The following HAPSTR1 variants were observed in gnomAD, a reference collection of about 807,000 sequenced individuals.
The protein encoded by HAPSTR1 is HUWE1-associated protein modifying stress responses 1.
At chr16:9,115,263 A>G in the HAPSTR1 span, among the ~76,000 whole-genome samples, 1 of 152,196 alleles carries the variant, frequency 6.6e-6, no homozygotes, top group Non-Finnish European at 1.5e-5. Context: ...TTTAAACTAC[A>G]TTTTTAGGGA....
At chr16:9,100,365 C>A in the HAPSTR1 span, among the ~76,000 whole-genome samples, 1 of 151,922 alleles carries the variant, frequency 6.6e-6, no homozygotes, top group Non-Finnish European at 1.5e-5. Flanking sequence ...TGTTGGACTT[C>A]TTGTGTCTTC....
chr16:9,108,338 A>G, the HAPSTR1 span: 5 of 152,058 alleles, frequency 3.3e-5, no homozygotes, highest in Non-Finnish European at 7.4e-5. Flanking sequence ...CTAATTTTCA[A>G]TATATTTATT....
At chr16:9,118,008 A>T in the HAPSTR1 span, 11 of 152,660 alleles carry the variant, frequency 7.2e-5, no homozygotes, top group African/African-American at 2.4e-4. Context: ...GAAAAGATGG[A>T]ATCGCATGGA....
At chr16:9,119,210 G>A in the HAPSTR1 span, 10 of 152,254 alleles carry the variant, frequency 6.6e-5, no homozygotes, top group African/African-American at 2.4e-4. Flanking sequence ...ATGAAGCTCA[G>A]CAGTAGAAGC....
At chr16:9,115,777 C>T in the HAPSTR1 span, among the ~76,000 whole-genome samples, 10 of 152,062 alleles carry the variant, frequency 6.6e-5, no homozygotes, top group Non-Finnish European at 4.4e-5. Flanking sequence ...CCACGCCGGG[C>T]TAATTTTTGT....
chr16:9,109,465 C>G, the HAPSTR1 span: 2 of 152,280 alleles, frequency 1.3e-5, no homozygotes, highest in East Asian at 3.9e-4. Flanking sequence ...TCAGACTGTT[C>G]CATAAAAGTC....
chr16:9,093,957 TTG>T, the HAPSTR1 span, among the ~76,000 whole-genome samples: 2 of 152,106 alleles, frequency 1.3e-5, no homozygotes, highest in South Asian at 2.1e-4. Flanking sequence ...TAATGGAACT[TTG>T]TGCATTTCAA....
At chr16:9,121,384 A>G in the HAPSTR1 span, 2 of 152,268 alleles carry the variant, frequency 1.3e-5, no homozygotes, top group Non-Finnish European at 1.5e-5. Flanking sequence ...TCCATCAGAA[A>G]GTAAGAGCGC....
At chr16:9,100,848 C>G in the HAPSTR1 span, among the ~76,000 whole-genome samples, 1 of 152,178 alleles carries the variant, frequency 6.6e-6, no homozygotes, top group African/African-American at 2.4e-5. Flanking sequence ...TTTCTTTGCA[C>G]TCTCCAAGCC....
the HAPSTR1 span, among the ~76,000 whole-genome samples, chr16:9,099,231 C>T: frequency 6.6e-6 from 1 of 150,688 alleles, no homozygotes; most frequent in Non-Finnish European, 1.5e-5. Context: ...TGGAGTCTTG[C>T]GTGTCACCCA....
chr16:9,092,324 G>T, the HAPSTR1 span: 6 of 1,339,084 alleles, frequency 4.5e-6, no homozygotes, highest in East Asian at 3.1e-5. Flanking sequence ...CCCGGGCCCG[G>T]CCCCGGCCCT....
the HAPSTR1 span, chr16:9,116,907 A>C: frequency 9.9e-6 from 16 of 1,613,480 alleles, no homozygotes; most frequent in Non-Finnish European, 1.4e-5. Flanking sequence ...CAACAGAATG[A>C]TCTAAACTGC....
the HAPSTR1 span, among the ~76,000 whole-genome samples, chr16:9,101,299 G>A: frequency 6.6e-6 from 1 of 152,208 alleles, no homozygotes; most frequent in Non-Finnish European, 1.5e-5. Context: ...TGGAGTTCAT[G>A]CTTTGTTTAT....
At chr16:9,120,306 C>A in the HAPSTR1 span, 1 of 152,208 alleles carries the variant, frequency 6.6e-6, no homozygotes, top group Non-Finnish European at 1.5e-5. Flanking sequence ...GTTTAGATGA[C>A]CTTACCCCAT....
At chr16:9,116,231 C>G in the HAPSTR1 span, among the ~76,000 whole-genome samples, 5 of 152,212 alleles carry the variant, frequency 3.3e-5, no homozygotes, top group African/African-American at 1.2e-4. Flanking sequence ...GAAGTGATTT[C>G]TGGCTCTCCT....
the HAPSTR1 span, chr16:9,102,871 A>T: frequency 9.4e-7 from 1 of 1,061,700 alleles, no homozygotes; most frequent in South Asian, 1.5e-5. Flanking sequence ...TGATGGGCTC[A>T]GAGGCCACAT....
the HAPSTR1 span, among the ~76,000 whole-genome samples, chr16:9,097,941 G>A: frequency 2.6e-5 from 4 of 152,170 alleles, no homozygotes; most frequent in Non-Finnish European, 4.4e-5. Context: ...AGCTTCTCTC[G>A]AAACATGGTT....
At chr16:9,098,071 C>A in the HAPSTR1 span, among the ~76,000 whole-genome samples, 1 of 152,336 alleles carries the variant, frequency 6.6e-6, no homozygotes. Context: ...GGGCTCACGC[C>A]TGTAATCCTA....
chr16:9,092,350 G>C, the HAPSTR1 span: 3 of 1,186,710 alleles, frequency 2.5e-6, no homozygotes, highest in Admixed American at 4.3e-5. Context: ...CTCAGCGGCC[G>C]CTTCGGGGGG....
Sources: gnomAD v4.1 joint callset for allele counts (sites outside exome capture counted in the v4.1 genomes callset) on GRCh38, gnomAD v4.1.1 for gene constraint, MANE v1.5 for transcripts, NCBI Gene and HGNC (gene_info 2026-07-23, HGNC 2026-07-21) for gene names.